Variants in CCDC192 observed in about 807,000 individuals in gnomAD.
The protein encoded by CCDC192 is coiled-coil domain containing 192, also known as coiled-coil domain-containing protein 192.
chr5:127,823,708 A>G (rs987678660), intron 5 of CCDC192, among the ~76,000 whole-genome samples: 1 of 152,090 alleles, frequency 6.6e-6, no homozygotes, highest in South Asian at 2.1e-4. Context: ...TCTGACCTCC[A>G]GAGTCACCCT....
intron 6 of CCDC192, among the ~76,000 whole-genome samples, chr5:127,920,367 A>G (rs1580827849): frequency 1.3e-5 from 2 of 151,572 alleles, no homozygotes; most frequent in East Asian, 1.9e-4. Flanking sequence ...ATGATCATCA[A>G]TCATCATAAT....
intron 5 of CCDC192, among the ~76,000 whole-genome samples, chr5:127,844,844 C>G (rs1750459534): frequency 6.6e-6 from 1 of 152,188 alleles, no homozygotes; most frequent in South Asian, 2.1e-4. Flanking sequence ...CCTAAAATAC[C>G]AAGAAACCCT....
At chr5:127,775,562 T>A (rs1417225633) in intron 3 of CCDC192, among the ~76,000 whole-genome samples, 4 of 152,142 alleles carry the variant, frequency 2.6e-5, no homozygotes, top group African/African-American at 9.7e-5. Context: ...GTGGCAATCA[T>A]CTCCTGATTT....
chr5:127,770,014 A>G (rs1159012257), intron 3 of CCDC192, among the ~76,000 whole-genome samples: 1 of 152,178 alleles, frequency 6.6e-6, no homozygotes, highest in African/African-American at 2.4e-5. Context: ...GTAGAGTGAG[A>G]GATTTCTAAA....
intron 5 of CCDC192, among the ~76,000 whole-genome samples, chr5:127,875,049 C>T (rs986977959): frequency 3.9e-5 from 6 of 152,056 alleles, no homozygotes; most frequent in Non-Finnish European, 8.8e-5. Context: ...TACTAAATAT[C>T]AGAAAACACC....
At chr5:127,879,204 A>C (rs1032905637) in intron 6 of CCDC192, among the ~76,000 whole-genome samples, 2 of 152,034 alleles carry the variant, frequency 1.3e-5, no homozygotes, top group Non-Finnish European at 2.9e-5. Context: ...AGGCTACAGT[A>C]ACCAAAACAG....
chr5:127,913,306 TC>T (rs1187509474), intron 6 of CCDC192, among the ~76,000 whole-genome samples: 1 of 152,216 alleles, frequency 6.6e-6, no homozygotes, highest in African/African-American at 2.4e-5. Flanking sequence ...AAAGATTGTG[TC>T]TTCTCCTCCC....
At chr5:127,736,546 A>T (rs1194158540) in intron 2 of CCDC192, among the ~76,000 whole-genome samples, 39 of 151,990 alleles carry the variant, frequency 2.6e-4, no homozygotes, top group Middle Eastern at 6.8e-3. Context: ...TCGGCTGTGA[A>T]TCCATCTGGT....
intron 3 of CCDC192, among the ~76,000 whole-genome samples, chr5:127,760,519 G>A (rs1275151845): frequency 6.6e-6 from 1 of 151,712 alleles, no homozygotes; most frequent in Non-Finnish European, 1.5e-5. Flanking sequence ...TTTAGTACCA[G>A]ATGCTAACCC....
At chr5:127,784,710 G>A (rs1416841067) in intron 3 of CCDC192, 13 of 609,498 alleles carry the variant, frequency 2.1e-5, no homozygotes, top group African/African-American at 3.7e-5. Context: ...TCAGGGACCC[G>A]GGATTTGAAC....
chr5:127,886,883 G>A (rs971580824), intron 6 of CCDC192, among the ~76,000 whole-genome samples: 3 of 152,146 alleles, frequency 2.0e-5, no homozygotes, highest in Admixed American at 6.5e-5. Context: ...GATGCAAAGA[G>A]AAATGGCAAG....
At chr5:127,791,746 C>T (rs1259622251) in intron 3 of CCDC192, among the ~76,000 whole-genome samples, 1 of 152,200 alleles carries the variant, frequency 6.6e-6, no homozygotes, top group African/African-American at 2.4e-5. Context: ...GGAGGAGAAT[C>T]TGATTTCTAG....
At chr5:127,703,538 A>G (rs1750793569) in intron 1 of CCDC192, 31 bp downstream of exon 1, 1 of 398,364 alleles carries the variant, frequency 2.5e-6, no homozygotes, top group Non-Finnish European at 4.4e-6. Context: ...ATCCCAAAAT[A>G]ATTCATGGGA....
chr5:127,703,749 C>A (rs1365730012), intron 1 of CCDC192, among the ~76,000 whole-genome samples: 2 of 152,122 alleles, frequency 1.3e-5, no homozygotes, highest in Non-Finnish European at 2.9e-5. Context: ...TAAATTGTCC[C>A]TTACTTGGTC....
At chr5:127,828,923 A>G (rs959158511) in intron 5 of CCDC192, among the ~76,000 whole-genome samples, 3 of 152,220 alleles carry the variant, frequency 2.0e-5, no homozygotes, top group Non-Finnish European at 2.9e-5. Flanking sequence ...TATTATAGAA[A>G]CAGACTGGGA....
chr5:127,798,918 A>T (rs1757325744), intron 5 of CCDC192, among the ~76,000 whole-genome samples: 1 of 152,056 alleles, frequency 6.6e-6, no homozygotes, highest in South Asian at 2.1e-4. Context: ...ACAACACATA[A>T]GCATCTCCTG....
intron 5 of CCDC192, among the ~76,000 whole-genome samples, chr5:127,841,570 G>C (rs777877334): frequency 6.6e-6 from 1 of 152,148 alleles, no homozygotes; most frequent in Non-Finnish European, 1.5e-5. Flanking sequence ...GGCTTCATCT[G>C]TCTCCTAGTC....
At chr5:127,702,336 T>C (rs1750741591), upstream of CCDC192, among the ~76,000 whole-genome samples, 1 of 151,956 alleles carries the variant, frequency 6.6e-6, no homozygotes, top group Non-Finnish European at 1.5e-5. Flanking sequence ...GGCTGCTAAC[T>C]ACATGCAAGG....
Position 127,842,742 on chromosome 5 carries a change from C to A in CCDC192, c.412-32796C>A, listed in dbSNP as rs553811786. On this transcript the variant is annotated intron_variant, in intron 5 of 6. Coordinates refer to ENST00000514853, the MANE Select transcript of CCDC192 (RefSeq NM_001317938.2). The stretch of plus-strand genomic sequence containing the variant: ...TCTAGAGTTGGCCAACATGTTCACC[C>A]CTCTAGATTGCCTCAATGATTATAC... Among the ~76,000 whole-genome samples the A allele has an allele frequency of 1.1e-3, 170 of 152,290 alleles. 1 individual carries two copies. The highest frequency in any genetic ancestry group is 4.0e-3 in the African/African-American group (168 of 41,548).
Sources: allele counts gnomAD v4.1 joint callset (sites outside exome capture counted in the v4.1 genomes callset), GRCh38; gene constraint gnomAD v4.1.1; transcripts MANE v1.5; gene names NCBI Gene and HGNC (gene_info 2026-07-23, HGNC 2026-07-21).